The following OPRM1 variants were observed in gnomAD, a reference collection of about 807,000 sequenced individuals.
OPRM1 encodes the protein opioid receptor mu 1.
Under a neutral mutation model 31.8 loss-of-function variants are expected in OPRM1, and 27 were observed. The observed-to-expected ratio is 0.85, with a 90% confidence interval of 0.63 to 1.17. OPRM1 has a LOEUF of 1.17. Among genes scored for constraint, OPRM1 ranks in the 50% most tolerant of loss-of-function variants. The probability of loss-of-function intolerance (pLI) is 0.00; values close to 1 mark genes in which losing one functional copy is unlikely to be tolerated. For missense variants in OPRM1, 536 were observed against 511.1 expected (o/e 1.05, Z -0.47); for synonymous variants, 196 against 189.9 (o/e 1.03, Z -0.26).
intron 1 of OPRM1, among the ~76,000 whole-genome samples, chr6:154,020,989 C>G (rs1472136589): frequency 6.6e-6 from 1 of 152,162 alleles, no homozygotes; most frequent in Admixed American, 6.5e-5. Context: ...TCAATTATTT[C>G]CTTCATCAAT....
chr6:154,159,858 A>C, intron 3 of OPRM1: 1 of 1,611,672 alleles, frequency 6.2e-7, no homozygotes, highest in Non-Finnish European at 8.5e-7. Flanking sequence ...AGGGAGAAGA[A>C]GGTGATTTCT....
intron 1 of OPRM1, among the ~76,000 whole-genome samples, chr6:154,016,887 A>G (rs1362718371): frequency 6.6e-6 from 1 of 152,210 alleles, no homozygotes; most frequent in Non-Finnish European, 1.5e-5. Context: ...AATAAACAGA[A>G]AAAATTTCTC....
At chr6:154,056,658 G>A (rs1259715474) in intron 1 of OPRM1, among the ~76,000 whole-genome samples, 1 of 151,884 alleles carries the variant, frequency 6.6e-6, no homozygotes, top group African/African-American at 2.4e-5. Flanking sequence ...TGGGAACAAG[G>A]AGATCAATGG....
chr6:154,098,028 G>A (rs544392751), intron 3 of OPRM1, among the ~76,000 whole-genome samples: 10 of 152,192 alleles, frequency 6.6e-5, no homozygotes, highest in South Asian at 6.2e-4. Context: ...CCAGGTGTTC[G>A]AGACCAACCT....
chr6:154,011,118 A>C, intron 1 of OPRM1: 1 of 1,075,518 alleles, frequency 9.3e-7, no homozygotes, highest in East Asian at 5.9e-5. Flanking sequence ...CTTAAATGCT[A>C]TACATTCTAC....
chr6:154,044,486 G>A lies in OPRM1; in HGVS notation c.290+4652G>A, dbSNP rs1290430766. 2.0e-5 allele frequency among the ~76,000 whole-genome samples: 3 copies of A among 151,848 alleles called. No individual in the cohort carries two copies. In the East Asian group the frequency reaches 5.8e-4, roughly 29 times the overall value. On this transcript the variant is annotated intron_variant, in intron 1 of 3. Coordinates refer to ENST00000330432, the MANE Select transcript of OPRM1 (RefSeq NM_000914.5). The stretch of plus-strand genomic sequence containing the variant: ...TAAAAGAAAACAAACAAACATTCGG[G>A]CCATTAACTCTTCTGAGTACTTTTA...
rs1252642576 is a variant in OPRM1, at chr6:154,119,755, C to T, written c.*1034C>T. Among the ~76,000 whole-genome samples the T allele has an allele frequency of 1.3e-5, 2 of 152,172 alleles. No individual in the cohort carries two copies. The highest frequency in any genetic ancestry group is 2.4e-5 in the African/African-American group (1 of 41,456). ...AATAAACATAATCTCAAGACAGACTCATATGACCATACAGAAAAGTGTGTC... is the reference window on the plus strand; with the variant it reads ...AATAAACATAATCTCAAGACAGACTTATATGACCATACAGAAAAGTGTGTC... On this transcript the variant is annotated 3_prime_UTR_variant, in exon 4 of 4. Transcript: ENST00000330432.
At chr6:154,134,468 A>G (rs980781299), downstream of OPRM1, among the ~76,000 whole-genome samples, 1 of 152,170 alleles carries the variant, frequency 6.6e-6, no homozygotes, top group African/African-American at 2.4e-5. Context: ...CAGCAGATAC[A>G]ATGGCCCTGG....
At chr6:154,158,871 C>T (rs955254778) in intron 3 of OPRM1, 6 of 152,108 alleles carry the variant, frequency 3.9e-5, no homozygotes, top group African/African-American at 1.4e-4. Flanking sequence ...AAATAAATCC[C>T]TCATGTTTAA....
intron 1 of OPRM1, among the ~76,000 whole-genome samples, chr6:154,041,631 AT>A (rs568209489): frequency 0.011 from 1,601 of 146,486 alleles, 23 homozygotes; most frequent in African/African-American, 0.026. Flanking sequence ...TAGCTAACAT[AT>A]TTTTTTTTTT....
intron 1 of OPRM1, among the ~76,000 whole-genome samples, chr6:154,014,335 G>A (rs1048901998): frequency 2.0e-5 from 3 of 152,138 alleles, no homozygotes; most frequent in Non-Finnish European, 4.4e-5. Flanking sequence ...TAAGAAGCCA[G>A]TTAAGGATTA....
chr6:154,135,468 T>TA (rs997794399), downstream of OPRM1, among the ~76,000 whole-genome samples: 8 of 149,284 alleles, frequency 5.4e-5, no homozygotes, highest in Admixed American at 2.0e-4. Context: ...AGACTCCATG[T>TA]AAAAAAAAAT....
At chr6:154,234,250 A>G (rs185797023) in intron 3 of OPRM1, among the ~76,000 whole-genome samples, 1 of 152,262 alleles carries the variant, frequency 6.6e-6, no homozygotes, top group Admixed American at 6.5e-5. Flanking sequence ...TTTTTCCCTT[A>G]GCGTGAAAAC....
chr6:154,244,322 G>GTA (rs1220647565), intron 3 of OPRM1, among the ~76,000 whole-genome samples: 1 of 151,710 alleles, frequency 6.6e-6, no homozygotes, highest in Non-Finnish European at 1.5e-5. Flanking sequence ...GTGTGTGTGT[G>GTA]TGTGTTTGTG....
At chr6:154,100,077 C>CATATGATATATATCATGATATAT in intron 3 of OPRM1, among the ~76,000 whole-genome samples, 1 of 117,190 alleles carries the variant, frequency 8.5e-6, no homozygotes, top group Admixed American at 1.0e-4. Context: ...TGATATATAT[C>CATATGATATATATCATGATATAT]ATATTATATA....
At chr6:154,184,848 T>C (rs1801200310) in intron 3 of OPRM1, among the ~76,000 whole-genome samples, 1 of 152,196 alleles carries the variant, frequency 6.6e-6, no homozygotes, top group Non-Finnish European at 1.5e-5. Context: ...GTTATAATAA[T>C]TTTGTAATTA....
rs606545 is a variant in OPRM1, at chr6:154,110,430, G to A, written c.1165-8253G>A. 323,647 of 1,457,050 alleles carry A rather than the reference G, an allele frequency of 0.22. 37,754 individuals are homozygous for A. Among genetic ancestry groups the A allele is most frequent in the Middle Eastern group, 0.27 (1,557 of 5,792 alleles). 90.3% of individuals were successfully genotyped at this position (1,457,050 alleles called of 1,614,324 possible). On this transcript the variant is annotated intron_variant, in intron 3 of 3. Coordinates refer to ENST00000330432, the MANE Select transcript of OPRM1 (RefSeq NM_000914.5). ...GGGCTAATAATTACAATATTTTCCC[G>A]TGAAAGAATATAAGATTGGAAGCCA...
Position 154,129,480 on chromosome 6 carries a change from G to A in OPRM1, c.*10759G>A, listed in dbSNP as rs1016548578. On this transcript the variant is annotated 3_prime_UTR_variant, in exon 4 of 4. Transcript: ENST00000330432. ...TGAAACAATATAAAACAATGTGAGA[G>A]GGTCTTTCTCTCCTCTCAATGTCAA... is the stretch of plus-strand genomic sequence containing the variant. 4.6e-5 allele frequency among the ~76,000 whole-genome samples: 7 copies of A among 152,246 alleles called. No individual in the cohort carries two copies. Among genetic ancestry groups the A allele is most frequent in the African/African-American group, 1.7e-4 (7 of 41,542 alleles).
chr6:154,201,353 CCTTTGTCT>C (rs982309572), intron 3 of OPRM1, among the ~76,000 whole-genome samples: 18 of 152,212 alleles, frequency 1.2e-4, no homozygotes, highest in African/African-American at 2.6e-4. Context: ...TACATATAAG[CCTTTGTCT>C]CTTTGTCTCT....
Sources: gnomAD v4.1 joint callset for allele counts (sites outside exome capture counted in the v4.1 genomes callset) on GRCh38, gnomAD v4.1.1 for gene constraint, MANE v1.5 for transcripts, NCBI Gene and HGNC (gene_info 2026-07-23, HGNC 2026-07-21) for gene names.